Variants in ABTB2 observed in about 807,000 individuals in gnomAD.
ABTB2 encodes ankyrin repeat and BTB domain containing 2.
A neutral mutation model predicts 104.1 loss-of-function variants in ABTB2; 56 were observed. The observed-to-expected ratio is 0.54, with a 90% CI of 0.43 to 0.67. The LOEUF (loss-of-function observed/expected upper bound fraction) is 0.67, where lower values mean the gene tolerates loss of function less well. Ranked by LOEUF, ABTB2 falls within the 30% of genes least tolerant of loss-of-function variation. The probability of loss-of-function intolerance (pLI) is 0.00; values close to 1 mark genes in which losing one functional copy is unlikely to be tolerated. For missense variants in ABTB2, 1,279 were observed against 1,407.7 expected (o/e 0.91, Z 1.46); for synonymous variants, 606 against 608.2 (o/e 1.00, Z 0.05).
intron 1 of ABTB2, among the ~76,000 whole-genome samples, chr11:34,220,450 G>A (rs1426176066): frequency 3.9e-5 from 6 of 152,156 alleles, no homozygotes; most frequent in Admixed American, 6.5e-5. Context: ...TGATCAAAAG[G>A]GATAATCAGC....
Position 34,152,253 on chromosome 11 carries a change from CA to C in ABTB2, c.*133del. The C allele has an allele frequency of 1.0e-6, 1 of 983,246 alleles. No homozygotes were observed. The highest frequency in any genetic ancestry group is 1.5e-6 in the Non-Finnish European group (1 of 676,896). 60.9% of individuals were successfully genotyped at this position (983,246 alleles called of 1,614,324 possible). A position where few individuals can be genotyped will look rare whatever the true frequency, so the allele number is the denominator to read the frequency against. On this transcript the variant is annotated 3_prime_UTR_variant, in exon 17 of 17. Transcript: ENST00000435224. ...GAGATGAGGGTGAGCTGCCCGGTGACAGGGGGGACATCTGGGGGAGGAGGAG... is the reference window on the plus strand; with the variant it reads ...GAGATGAGGGTGAGCTGCCCGGTGACGGGGGGACATCTGGGGGAGGAGGAG...
chr11:34,247,736 AC>A (rs1227405804), intron 1 of ABTB2, among the ~76,000 whole-genome samples: 1 of 152,254 alleles, frequency 6.6e-6, no homozygotes, highest in Admixed American at 6.5e-5. Flanking sequence ...AATAGCTGAT[AC>A]AGATTGTGCA....
At chr11:34,213,521 C>A (rs1853511576) in intron 1 of ABTB2, among the ~76,000 whole-genome samples, 1 of 152,156 alleles carries the variant, frequency 6.6e-6, no homozygotes, top group African/African-American at 2.4e-5. Context: ...ACAAGTGTGG[C>A]AAATTTGGAA....
intron 3 of ABTB2, among the ~76,000 whole-genome samples, chr11:34,178,658 G>A (rs1003062124): frequency 6.6e-6 from 1 of 152,200 alleles, no homozygotes; most frequent in Admixed American, 6.5e-5. Flanking sequence ...CCAGGAGACC[G>A]GGTCGGGGCT....
At chr11:34,317,022 G>C (rs912727165) in intron 1 of ABTB2, among the ~76,000 whole-genome samples, 1 of 152,206 alleles carries the variant, frequency 6.6e-6, no homozygotes, top group African/African-American at 2.4e-5. Flanking sequence ...GGGCGGTAGA[G>C]GCACAAAGCC....
chr11:34,204,657 T>C lies in ABTB2; in HGVS notation c.917A>G (p.Tyr306Cys). Reference sequence around the variant, plus strand: ...GTCATGGCCCAGGGACCCGCCGTTGTAGGGGCTGAAGTATGCGGGGAGGGA... The same window carrying C: ...GTCATGGCCCAGGGACCCGCCGTTGCAGGGGCTGAAGTATGCGGGGAGGGA... ...VLSLPAYFSP[Y>C]NGGSLGHDER... Residue 306 changes from tyrosine to cysteine, a missense_variant, in exon 2 of 17, where the codon TAC (tyrosine) becomes TGC (cysteine). Coordinates refer to ENST00000435224, the MANE Select transcript of ABTB2 (RefSeq NM_145804.3). 6.2e-7 allele frequency: 1 copy of C among 1,613,968 alleles called. No homozygotes were observed. Among genetic ancestry groups the C allele is most frequent in the Non-Finnish European group, 8.5e-7 (1 of 1,179,968 alleles).
At chr11:34,208,726 G>A (rs1464949644) in intron 1 of ABTB2, among the ~76,000 whole-genome samples, 1 of 151,966 alleles carries the variant, frequency 6.6e-6, no homozygotes, top group African/African-American at 2.4e-5. Context: ...ACAGCACCGT[G>A]GCCACCCGGT....
At chr11:34,243,454 C>T (rs762556844) in intron 1 of ABTB2, among the ~76,000 whole-genome samples, 1 of 152,126 alleles carries the variant, frequency 6.6e-6, no homozygotes, top group Non-Finnish European at 1.5e-5. Flanking sequence ...AATCTCTTAA[C>T]CCTACTAAAC....
intron 1 of ABTB2, among the ~76,000 whole-genome samples, chr11:34,336,968 C>A (rs1293369209): frequency 6.6e-6 from 1 of 152,112 alleles, no homozygotes; most frequent in Non-Finnish European, 1.5e-5. Context: ...GACAAGTAAA[C>A]TGAGGCACCG....
intron 12 of ABTB2, 81 bp downstream of exon 12, chr11:34,160,165 AAG>A: frequency 7.2e-7 from 1 of 1,382,500 alleles, no homozygotes. Flanking sequence ...GAAATGGAGA[AAG>A]ATGACAAAGT....
intron 1 of ABTB2, among the ~76,000 whole-genome samples, chr11:34,322,607 T>C (rs1186764188): frequency 1.3e-5 from 2 of 151,748 alleles, no homozygotes; most frequent in African/African-American, 4.8e-5. Context: ...ATAAATAAAA[T>C]AATAAGAGAA....
rs536083197 is a variant in ABTB2 at position 34,251,185 on chromosome 11, T to C, written c.884-46495A>G. The stretch of plus-strand genomic sequence containing the variant: ...GAGGCAAGGAGAATGGCTCCTCCCA[T>C]ATTCTGTGACAACCAACACCAAAAT... On this transcript the variant is annotated intron_variant, in intron 1 of 16. Transcript: ENST00000435224. Among the ~76,000 whole-genome samples, 16 of 152,300 alleles carry C rather than the reference T, an allele frequency of 1.1e-4. No individual in the cohort carries two copies. In the South Asian group the frequency reaches 3.1e-3, roughly 30 times the overall value.
In ABTB2 at chr11:34,267,408, C is replaced by T. The variant is rs139654017; in HGVS notation, c.884-62718G>A. Among the ~76,000 whole-genome samples the T allele has an allele frequency of 4.6e-3, 696 of 152,284 alleles. 3 individuals are homozygous for T. The highest frequency in any genetic ancestry group is 0.015 in the African/African-American group (613 of 41,540). ...AACCCTGGCCTCTTCCCCATCCTGA[C>T]GGCATCACTCCCTGCCCCCATCCCA... On this transcript the variant is annotated intron_variant, in intron 1 of 16. Transcript: ENST00000435224.
At position 34,154,953 on chromosome 11, in the gene ABTB2, T is replaced by A. The variant is rs1240404240; in HGVS notation, c.2698-184A>T. On this transcript the variant is annotated intron_variant, in intron 14 of 16. Transcript: ENST00000435224. The surrounding 1 kb of genome is among the most constrained non-coding windows in gnomAD (Gnocchi z 4.9). Reference sequence around the variant, plus strand: ...CTTGTGTTTTCCCGGGGAAGCCAACTCCAAGACCCTCTCTCCTGAGTCCCT... The same window carrying A: ...CTTGTGTTTTCCCGGGGAAGCCAACACCAAGACCCTCTCTCCTGAGTCCCT... Among the ~76,000 whole-genome samples, 2 of 152,164 alleles carry A rather than the reference T, an allele frequency of 1.3e-5. No homozygotes were observed. The highest frequency in any genetic ancestry group is 2.9e-5 in the Non-Finnish European group (2 of 68,014).
intron 1 of ABTB2, among the ~76,000 whole-genome samples, chr11:34,271,991 C>T (rs999179271): frequency 6.6e-6 from 1 of 152,114 alleles, no homozygotes; most frequent in African/African-American, 2.4e-5. Context: ...ACAGAACATC[C>T]ATATACCAGG....
chr11:34,310,508 T>C (rs1046766594), intron 1 of ABTB2, among the ~76,000 whole-genome samples: 1 of 152,088 alleles, frequency 6.6e-6, no homozygotes, highest in African/African-American at 2.4e-5. Context: ...GTGGGTTTCC[T>C]CCTCACACAC....
At chr11:34,160,586 G>A (rs796241211) in intron 11 of ABTB2, among the ~76,000 whole-genome samples, 43 of 150,894 alleles carry the variant, frequency 2.8e-4, no homozygotes, top group African/African-American at 9.7e-4. Flanking sequence ...GCCAGGCAGC[G>A]CAAGTCTAAG....
intron 4 of ABTB2, among the ~76,000 whole-genome samples, chr11:34,171,484 G>A (rs1296610787): frequency 6.6e-6 from 1 of 152,162 alleles, no homozygotes; most frequent in African/African-American, 2.4e-5. Flanking sequence ...TGAGGCAGGA[G>A]AATAAATTGA....
chr11:34,322,437 T>G (rs2133111676), intron 1 of ABTB2, among the ~76,000 whole-genome samples: 1 of 152,254 alleles, frequency 6.6e-6, no homozygotes, highest in African/African-American at 2.4e-5. Flanking sequence ...TAGCTGGGCA[T>G]GGTGGCATGC....
Sources: allele counts gnomAD v4.1 joint callset (sites outside exome capture counted in the v4.1 genomes callset), GRCh38; gene constraint gnomAD v4.1.1; non-coding constraint Gnocchi (gnomAD v3.1); transcripts MANE v1.5; gene names NCBI Gene and HGNC (gene_info 2026-07-23, HGNC 2026-07-21).